TSPAN33: variants seen among roughly 807,000 people sequenced by gnomAD.
TSPAN33 encodes tetraspanin 33.
TSPAN33 carries 27 observed loss-of-function variants against 34.8 expected under a neutral mutation model. That is an observed-to-expected ratio of 0.78 (90% confidence interval 0.57 to 1.07). TSPAN33 has a LOEUF of 1.07. Ranked by LOEUF, TSPAN33 falls within the 50% of genes least tolerant of loss-of-function variation. The pLI is 0.00. For missense variants in TSPAN33, 272 were observed against 324.9 expected (o/e 0.84, Z 1.25); for synonymous variants, 119 against 124.2 (o/e 0.96, Z 0.28).
Position 129,166,881 on chromosome 7 carries a change from C to T in TSPAN33, c.563C>T (p.Ser188Phe). The T allele has an allele frequency of 3.7e-6, 6 of 1,613,960 alleles. No homozygotes were observed. The highest frequency in any genetic ancestry group is 5.1e-6 in the Non-Finnish European group (6 of 1,179,954). ...PSRERCSVPY[S>F]CCLPTPDQAV... is the part of the protein sequence containing the mutation. ...CGAGAGCGCTGCTCTGTGCCTTACT[C>T]CTGTTGCTTGCCTACTCCTGACCAG... Residue 188 changes from serine to phenylalanine, a missense_variant, in exon 6 of 8, where the codon TCC (serine) becomes TTC (phenylalanine). By Grantham distance (155) the Ser-to-Phe change is radical. Transcript: ENST00000486685.
At chr7:129,156,728 C>T (rs555140668) in intron 1 of TSPAN33, among the ~76,000 whole-genome samples, 12 of 152,172 alleles carry the variant, frequency 7.9e-5, no homozygotes, top group South Asian at 6.2e-4. Flanking sequence ...TTTGTTTCTT[C>T]GTGAGCATTT....
At chr7:129,159,502 C>A (rs1563137792) in intron 1 of TSPAN33, among the ~76,000 whole-genome samples, 1 of 152,172 alleles carries the variant, frequency 6.6e-6, no homozygotes, top group Non-Finnish European at 1.5e-5. Context: ...AAATTATACA[C>A]CCTGGTGAAA....
At chr7:129,159,305 C>T (rs6949483) in intron 1 of TSPAN33, among the ~76,000 whole-genome samples, 117,576 of 152,182 alleles carry the variant, frequency 0.77, 45,714 homozygotes, top group Non-Finnish European at 0.8. Context: ...GTGATCCACC[C>T]GCTTTGGCCT....
intron 3 of TSPAN33, 117 bp downstream of exon 3, chr7:129,162,638 C>T: frequency 6.6e-7 from 1 of 1,526,196 alleles, no homozygotes; most frequent in Admixed American, 1.8e-5. Flanking sequence ...TGCTGTCCAC[C>T]CCTCAGTGCA....
intron 1 of TSPAN33, among the ~76,000 whole-genome samples, chr7:129,159,679 C>G (rs925573038): frequency 6.6e-6 from 1 of 152,164 alleles, no homozygotes; most frequent in Non-Finnish European, 1.5e-5. Flanking sequence ...GGCCACCAGG[C>G]CTGGGGAATG....
At position 129,148,931 on chromosome 7, in the gene TSPAN33, G is replaced by A. The variant is rs1420761730; in HGVS notation, c.102+3849G>A. On this transcript the variant is annotated intron_variant, in intron 1 of 7. Coordinates refer to ENST00000486685, the MANE Select transcript of TSPAN33 (RefSeq NM_178562.5). The surrounding 1 kb of genome is among the most constrained non-coding windows in gnomAD (Gnocchi z 4.2). ...CGTCTGGCTCAAAAACCATGAGGAA[G>A]TAACCAGGCATCAAGCCAGGCAAAA... Among the ~76,000 whole-genome samples the A allele has an allele frequency of 6.6e-6, 1 of 152,128 alleles. No individual in the cohort carries two copies. The highest frequency in any genetic ancestry group is 1.5e-5 in the Non-Finnish European group (1 of 68,024).
At chr7:129,149,591 G>A (rs1810565717) in intron 1 of TSPAN33, among the ~76,000 whole-genome samples, 1 of 152,226 alleles carries the variant, frequency 6.6e-6, no homozygotes, top group Admixed American at 6.5e-5. Flanking sequence ...GTGCCTCTCA[G>A]ATCTTTTTAG....
At chr7:129,145,465 G>T (rs1001478121) in intron 1 of TSPAN33, among the ~76,000 whole-genome samples, 3 of 152,032 alleles carry the variant, frequency 2.0e-5, no homozygotes, top group African/African-American at 7.2e-5. Context: ...AAAGAAAGAA[G>T]AGGAAGGAAA....
chr7:129,167,979 C>T lies in TSPAN33; in HGVS notation c.*105C>T, dbSNP rs982093482. 11 of 1,500,056 alleles carry T rather than the reference C, an allele frequency of 7.3e-6. 1 individual carries two copies. In the East Asian group the frequency reaches 1.5e-4, roughly 20 times the overall value. The allele number at this position is 1,500,056 out of a possible 1,614,324, so 92.9% of individuals were successfully genotyped here. A position where few individuals can be genotyped will look rare whatever the true frequency, so the allele number is the denominator to read the frequency against. On this transcript the variant is annotated 3_prime_UTR_variant, in exon 8 of 8. Transcript: ENST00000486685. The surrounding 1 kb of genome is among the most constrained non-coding windows in gnomAD (Gnocchi z 4.6). ...AATGGAGATTTGGATTCCAGCCCCC[C>T]AGTGACAGCCCAGTGGGAAGAAGCA...
At chr7:129,156,246 T>G (rs1810663028) in intron 1 of TSPAN33, among the ~76,000 whole-genome samples, 1 of 152,164 alleles carries the variant, frequency 6.6e-6, no homozygotes, top group Non-Finnish European at 1.5e-5. Flanking sequence ...TCAAGTGCCA[T>G]TTTCATCACA....
chr7:129,162,322 G>A lies in TSPAN33; in HGVS notation c.161-72G>A, dbSNP rs10464704. 4.4e-6 allele frequency: 7 copies of A among 1,588,640 alleles called. No individual in the cohort carries two copies. The East Asian group carries it at 1.6e-4, about 35-fold the overall frequency. ...ACCAGGGGAAGGAGAACAGTTTGGG[G>A]CACCCTCCCACCCCATCCAGGGGTT... is the stretch of plus-strand genomic sequence containing the variant. On this transcript the variant is annotated intron_variant, in intron 2 of 7. Transcript: ENST00000486685.
In TSPAN33 at chr7:129,162,851, G is replaced by C. The variant is rs142211237; in HGVS notation, c.307G>C (p.Ala103Pro). 6.2e-7 allele frequency: 1 copy of C among 1,613,656 alleles called. No homozygotes were observed. Among genetic ancestry groups the C allele is most frequent in the Non-Finnish European group, 8.5e-7 (1 of 1,179,924 alleles). Residue 103 changes from alanine (A) to proline (P), a missense_variant, in exon 4 of 8, where the codon GCT (alanine) becomes CCT (proline). Coordinates refer to ENST00000486685, the MANE Select transcript of TSPAN33 (RefSeq NM_178562.5). Reference protein sequence around the residue: ...LLQTFSLCLTAVFLLQLAAGI... With the variant: ...LLQTFSLCLTPVFLLQLAAGI... ...TCCACAGTTCTCCCTCTGCCTCACC[G>C]CTGTGTTCCTGCTGCAGCTGGCCGC... is the stretch of plus-strand genomic sequence containing the variant.
At position 129,169,101 on chromosome 7, in the gene TSPAN33, T is replaced by A. The variant is rs1010811134; in HGVS notation, c.*1227T>A. Among the ~76,000 whole-genome samples the A allele has an allele frequency of 6.6e-6, 1 of 152,352 alleles. No homozygotes were observed. The highest frequency in any genetic ancestry group is 1.5e-5 in the Non-Finnish European group (1 of 68,036). On this transcript the variant is annotated 3_prime_UTR_variant, in exon 8 of 8. Transcript: ENST00000486685. The stretch of plus-strand genomic sequence containing the variant: ...TCTGTGTTTTTCTAATTAAAATTAA[T>A]TTGTCACCCAAAACAGGAGGGGGAT...
chr7:129,156,799 C>T (rs1810670666), intron 1 of TSPAN33, among the ~76,000 whole-genome samples: 1 of 152,110 alleles, frequency 6.6e-6, no homozygotes, highest in Non-Finnish European at 1.5e-5. Flanking sequence ...TGCCCCCATC[C>T]TAGAATCAGC....
At position 129,165,526 on chromosome 7, in the gene TSPAN33, G is replaced by A. The variant is rs953946422; in HGVS notation, c.459+957G>A. On this transcript the variant is annotated intron_variant, in intron 5 of 7. Transcript: ENST00000486685. This position sits in a 1 kb window ranked among gnomAD's most constrained non-coding sequence, Gnocchi z 4.5. Reference sequence around the variant, plus strand: ...GAATAATATTCTGTTGTATGTATATGCCACATTTTGTTTATCCATTCATTC... The same window carrying A: ...GAATAATATTCTGTTGTATGTATATACCACATTTTGTTTATCCATTCATTC... Among the ~76,000 whole-genome samples the A allele has an allele frequency of 6.6e-6, 1 of 152,190 alleles. No homozygotes were observed. Among genetic ancestry groups the A allele is most frequent in the African/African-American group, 2.4e-5 (1 of 41,438 alleles).
chr7:129,166,613 G>A (rs994080665), intron 5 of TSPAN33, 165 bp from the exon 6 acceptor site: 41 of 696,256 alleles, frequency 5.9e-5, no homozygotes, highest in Non-Finnish European at 9.3e-5. Flanking sequence ...ATCTTCAGGC[G>A]AAGGCAACTG....
rs562648785 is a variant in TSPAN33 at position 129,153,154 on chromosome 7, A to G, written c.102+8072A>G. On this transcript the variant is annotated intron_variant, in intron 1 of 7. Coordinates refer to ENST00000486685, the MANE Select transcript of TSPAN33 (RefSeq NM_178562.5). ...AGAGGGTCACCTAGTATGTAATTCCAATGACAGGAAATGTCCAGAATAGGC... is the reference window on the plus strand; with the variant it reads ...AGAGGGTCACCTAGTATGTAATTCCGATGACAGGAAATGTCCAGAATAGGC... Among the ~76,000 whole-genome samples, 4 of 152,274 alleles carry G rather than the reference A, an allele frequency of 2.6e-5. No individual in the cohort carries two copies. In the South Asian group the frequency reaches 8.3e-4, roughly 32 times the overall value.
chr7:129,162,808 G>C, intron 3 of TSPAN33, 25 bp from the exon 4 acceptor site: 2 of 1,612,396 alleles, frequency 1.2e-6, no homozygotes, highest in Non-Finnish European at 1.7e-6. Flanking sequence ...GGTCCTAGAC[G>C]CCTCTTCTTC....
rs1793156934 is a variant in TSPAN33, at chr7:129,167,309, T to G, written c.589-90T>G. On this transcript the variant is annotated intron_variant, in intron 6 of 7. Coordinates refer to ENST00000486685, the MANE Select transcript of TSPAN33 (RefSeq NM_178562.5). The surrounding 1 kb of genome is among the most constrained non-coding windows in gnomAD (Gnocchi z 4.6). ...ATATATTCTCTGACAATTTAGGAGT[T>G]TGGGAAGGGTGGGAAGCCCATCAGC... 6.9e-7 allele frequency: 1 copy of G among 1,442,480 alleles called. No homozygotes were observed. The highest frequency in any genetic ancestry group is 2.3e-5 in the East Asian group (1 of 43,508). The allele number at this position is 1,442,480 out of a possible 1,614,324, so 89.4% of individuals were successfully genotyped here.
Sources: gnomAD v4.1 joint callset for allele counts (sites outside exome capture counted in the v4.1 genomes callset) on GRCh38, gnomAD v4.1.1 for gene constraint, Gnocchi (gnomAD v3.1) non-coding constraint, MANE v1.5 for transcripts, NCBI Gene and HGNC (gene_info 2026-07-23, HGNC 2026-07-21) for gene names.